SEPTIN9: variants seen among roughly 807,000 people sequenced by gnomAD.
The protein encoded by SEPTIN9 is septin 9.
In SEPTIN9, 13 loss-of-function variants were observed where a neutral mutation model predicts 56.6. That is an observed-to-expected ratio of 0.23 (90% confidence interval 0.15 to 0.37). The LOEUF (loss-of-function observed/expected upper bound fraction) is 0.37. Ranked by LOEUF, SEPTIN9 falls within the 10% of genes least tolerant of loss-of-function variation. SEPTIN9 has a pLI of 1.00. For synonymous variants in SEPTIN9, 332 were observed against 334.1 expected (o/e 0.99, Z 0.07); for missense variants, 650 against 823.1 (o/e 0.79, Z 2.57).
rs1451536509 is a variant in SEPTIN9 at position 77,476,157 on chromosome 17, C to G, written c.722-5987C>G. Among the ~76,000 whole-genome samples, 1 of 152,154 alleles carries G rather than the reference C, an allele frequency of 6.6e-6. No homozygotes were observed. The highest frequency in any genetic ancestry group is 6.5e-5 in the Admixed American group (1 of 15,284). On this transcript the variant is annotated intron_variant, in intron 3 of 11. Transcript: ENST00000427177. This position sits in a 1 kb window ranked among gnomAD's most constrained non-coding sequence, Gnocchi z 6.0. ...GGACATTTCTGGGACGTAGACCAGG[C>G]AGCATGACACACAGGGAGGGGTAGG... is the stretch of plus-strand genomic sequence containing the variant.
chr17:77,471,912 T>C (rs1271933955), intron 3 of SEPTIN9, among the ~76,000 whole-genome samples: 1 of 152,034 alleles, frequency 6.6e-6, no homozygotes, highest in Non-Finnish European at 1.5e-5. Context: ...GTGGATCCAC[T>C]TCAGAGCCTG....
chr17:77,331,775 C>T (rs987907176), intron 2 of SEPTIN9, among the ~76,000 whole-genome samples: 1 of 152,146 alleles, frequency 6.6e-6, no homozygotes, highest in Admixed American at 6.5e-5. Context: ...GGGGGTGCCT[C>T]CTTCCCCGCA....
intron 1 of SEPTIN9, among the ~76,000 whole-genome samples, chr17:77,300,282 T>C (rs1177707662): frequency 6.6e-6 from 1 of 152,190 alleles, no homozygotes; most frequent in Non-Finnish European, 1.5e-5. Context: ...ACAGTGTTTA[T>C]TCTCCTGTAG....
In SEPTIN9 at chr17:77,498,619, C is replaced by G; in HGVS notation, c.1722C>G (p.Asn574Lys). 6.2e-7 allele frequency: 1 copy of G among 1,610,486 alleles called. No individual in the cohort carries two copies. Among genetic ancestry groups the G allele is most frequent in the South Asian group, 1.1e-5 (1 of 90,538 alleles). Residue 574 changes from asparagine to lysine, a missense_variant, in exon 12 of 12, where the codon AAC (asparagine) becomes AAG (lysine). Physicochemically the swap from Asn to Lys is moderately conservative, Grantham distance 94 (BLOSUM62 0). Around this residue, in one of 2 missense-constraint regions of SEPTIN9, gnomAD observed 333 missense variants for 494.0 expected, o/e 0.67. Coordinates refer to ENST00000427177, the MANE Select transcript of SEPTIN9 (RefSeq NM_001113491.2). ...RLNEGSSAMA[N>K]GMEEKEPEAP... ...ACGAGGGCAGCAGCGCCATGGCCAA[C>G]GGCATGGAGGAGAAGGAGCCAGAAG...
At chr17:77,350,066 G>T (rs1314432761) in intron 2 of SEPTIN9, among the ~76,000 whole-genome samples, 1 of 152,230 alleles carries the variant, frequency 6.6e-6, no homozygotes, top group Admixed American at 6.5e-5. Flanking sequence ...CGAATGTGGG[G>T]TCTCCAGCCT....
chr17:77,452,385 G>A (rs2038016118), intron 3 of SEPTIN9, among the ~76,000 whole-genome samples: 2 of 152,200 alleles, frequency 1.3e-5, no homozygotes. Flanking sequence ...CTGAAACGCC[G>A]TCCCAGTGAC....
At chr17:77,417,254 G>T (rs539633249) in intron 3 of SEPTIN9, among the ~76,000 whole-genome samples, 46 of 152,338 alleles carry the variant, frequency 3.0e-4, no homozygotes, top group African/African-American at 1.1e-3. Context: ...GATGCTCAGT[G>T]TCATTTCACG....
Position 77,398,883 on chromosome 17 carries a change from A to C in SEPTIN9, c.77-3176A>C, listed in dbSNP as rs1490759351. 2.0e-5 allele frequency among the ~76,000 whole-genome samples: 3 copies of C among 152,064 alleles called. No individual in the cohort carries two copies. The East Asian group carries it at 5.8e-4, about 29-fold the overall frequency. ...CATGGGAGTGGTGCTGGACCGAAAC[A>C]CCCAGAGGGATCATAGAGCCAGGCA... On this transcript the variant is annotated intron_variant, in intron 2 of 11. Coordinates refer to ENST00000427177, the MANE Select transcript of SEPTIN9 (RefSeq NM_001113491.2).
At position 77,405,457 on chromosome 17, in the gene SEPTIN9, A is replaced by G. The variant is rs2036035572; in HGVS notation, c.721+2754A>G. 1.3e-5 allele frequency among the ~76,000 whole-genome samples: 2 copies of G among 152,186 alleles called. No homozygotes were observed. The highest frequency in any genetic ancestry group is 4.8e-5 in the African/African-American group (2 of 41,438). ...GGGACGGTGGCTTTCTCCATGGAATAGGATGTACACGTTGGAGCCGGGGCA... is the reference window on the plus strand; with the variant it reads ...GGGACGGTGGCTTTCTCCATGGAATGGGATGTACACGTTGGAGCCGGGGCA... On this transcript the variant is annotated intron_variant, in intron 3 of 11. Coordinates refer to ENST00000427177, the MANE Select transcript of SEPTIN9 (RefSeq NM_001113491.2). This position sits in a 1 kb window ranked among gnomAD's most constrained non-coding sequence, Gnocchi z 5.8.
In SEPTIN9 at chr17:77,437,144, C is replaced by T. The variant is rs959208243; in HGVS notation, c.721+34441C>T. On this transcript the variant is annotated intron_variant, in intron 3 of 11. Transcript: ENST00000427177. The surrounding 1 kb of genome is among the most constrained non-coding windows in gnomAD (Gnocchi z 5.3). ...ATCAGCATCCCTGCCTTGACACCCCCGTGTGGCAGCTGCTGTGATTCTGTG... is the reference window on the plus strand; with the variant it reads ...ATCAGCATCCCTGCCTTGACACCCCTGTGTGGCAGCTGCTGTGATTCTGTG... 6.6e-6 allele frequency among the ~76,000 whole-genome samples: 1 copy of T among 152,350 alleles called. No individual in the cohort carries two copies. The highest frequency in any genetic ancestry group is 2.1e-4 in the South Asian group (1 of 4,832).
intron 1 of SEPTIN9, among the ~76,000 whole-genome samples, chr17:77,284,148 G>A (rs1197476442): frequency 1.3e-5 from 2 of 152,230 alleles, no homozygotes; most frequent in African/African-American, 2.4e-5. Context: ...TACTCAGGAG[G>A]CTGAGACACG....
chr17:77,391,618 C>T (rs2035541791), intron 2 of SEPTIN9, among the ~76,000 whole-genome samples: 1 of 152,202 alleles, frequency 6.6e-6, no homozygotes, highest in South Asian at 2.1e-4. Context: ...GGAGTTAGGA[C>T]TTAAGACATA....
Position 77,475,411 on chromosome 17 carries a change from G to A in SEPTIN9, c.722-6733G>A. ...GAGGAGGAGGGAGCAGCCCTGGCCG[G>A]ACACTGTCCTCCTAGCATTGCCTGC... On this transcript the variant is annotated intron_variant, in intron 3 of 11. Coordinates refer to ENST00000427177, the MANE Select transcript of SEPTIN9 (RefSeq NM_001113491.2). The surrounding 1 kb of genome is among the most constrained non-coding windows in gnomAD (Gnocchi z 4.6). 1 of 1,465,182 alleles carries A rather than the reference G, an allele frequency of 6.8e-7. No homozygotes were observed. The highest frequency in any genetic ancestry group is 9.0e-7 in the Non-Finnish European group (1 of 1,115,484). 90.8% of individuals were successfully genotyped at this position (1,465,182 alleles called of 1,614,324 possible).
At chr17:77,398,032 G>T (rs112352557) in intron 2 of SEPTIN9, among the ~76,000 whole-genome samples, 1 of 147,868 alleles carries the variant, frequency 6.8e-6, no homozygotes, top group Non-Finnish European at 1.5e-5. Context: ...GGAGTGTAGT[G>T]GTGTGATCAT....
At chr17:77,365,443 T>C (rs1020350152) in intron 2 of SEPTIN9, among the ~76,000 whole-genome samples, 1 of 152,156 alleles carries the variant, frequency 6.6e-6, no homozygotes, top group Non-Finnish European at 1.5e-5. Flanking sequence ...CTGTCTTTCC[T>C]ATCTTTTCTT....
chr17:77,296,888 A>G (rs180838891), intron 1 of SEPTIN9, among the ~76,000 whole-genome samples: 43 of 152,286 alleles, frequency 2.8e-4, no homozygotes, highest in Middle Eastern at 3.4e-3. Flanking sequence ...GAATGGATAG[A>G]TAGCTAGATA....
intron 2 of SEPTIN9, among the ~76,000 whole-genome samples, chr17:77,384,256 G>A (rs1241113779): frequency 6.6e-6 from 1 of 152,150 alleles, no homozygotes; most frequent in Non-Finnish European, 1.5e-5. Context: ...GTGGGACCTC[G>A]GGCAGGTTTT....
At chr17:77,333,463 G>A (rs1032730750) in intron 2 of SEPTIN9, among the ~76,000 whole-genome samples, 1 of 152,160 alleles carries the variant, frequency 6.6e-6, no homozygotes, top group Non-Finnish European at 1.5e-5. Flanking sequence ...CTGGGCTCAA[G>A]CTGTCCTCCT....
intron 3 of SEPTIN9, among the ~76,000 whole-genome samples, chr17:77,477,774 G>A (rs557364547): frequency 4.6e-5 from 7 of 152,312 alleles, no homozygotes; most frequent in East Asian, 3.9e-4. Context: ...CTGCGGAGCC[G>A]GGAGGGAAGC....
Sources: gnomAD v4.1 joint callset for allele counts (sites outside exome capture counted in the v4.1 genomes callset) on GRCh38, gnomAD v4.1.1 for gene constraint, gnomAD v4.1.1 regional missense constraint, Gnocchi (gnomAD v3.1) non-coding constraint, MANE v1.5 for transcripts, NCBI Gene and HGNC (gene_info 2026-07-23, HGNC 2026-07-21) for gene names.